Variants in AUTS2 observed in about 807,000 individuals in gnomAD.
AUTS2 encodes the protein autism susceptibility gene 2 protein.
Under a neutral mutation model 112.4 loss-of-function variants are expected in AUTS2, and 17 were observed. The observed-to-expected ratio is 0.15, with a 90% CI of 0.10 to 0.23. AUTS2 has a LOEUF of 0.23. Among genes scored for constraint, AUTS2 ranks in the 10% least tolerant of loss-of-function variants. AUTS2 has a pLI of 1.00. For missense variants in AUTS2, 1,510 were observed against 1,701.6 expected, an observed-to-expected ratio of 0.89 and a Z score of 1.98; for synonymous variants, 751 against 702.7, an observed-to-expected ratio of 1.07 and a Z score of -1.09.
intron 2 of AUTS2, among the ~76,000 whole-genome samples, chr7:69,951,359 A>C (rs777940648): frequency 6.6e-6 from 1 of 151,832 alleles, no homozygotes; most frequent in Non-Finnish European, 1.5e-5. Flanking sequence ...GAAGAATTCT[A>C]GTTTCTCAGT....
At chr7:70,337,399 A>G (rs1029398577) in intron 4 of AUTS2, among the ~76,000 whole-genome samples, 1 of 152,220 alleles carries the variant, frequency 6.6e-6, no homozygotes, top group Non-Finnish European at 1.5e-5. Flanking sequence ...AATTTCTAAT[A>G]GGCTATTGAC....
At chr7:69,918,094 G>A (rs2129542529) in intron 2 of AUTS2, among the ~76,000 whole-genome samples, 1 of 152,196 alleles carries the variant, frequency 6.6e-6, no homozygotes, top group Non-Finnish European at 1.5e-5. Context: ...ACCTGCCTCG[G>A]CCTCCCAAAG....
intron 1 of AUTS2, among the ~76,000 whole-genome samples, chr7:69,722,847 C>CT (rs202247654): frequency 3.4e-4 from 49 of 144,762 alleles, no homozygotes; most frequent in East Asian, 1.0e-3. Context: ...TCTGGAATTG[C>CT]TTTTTTTTTT....
intron 2 of AUTS2, among the ~76,000 whole-genome samples, chr7:70,041,759 G>A (rs1445108209): frequency 6.6e-6 from 1 of 152,086 alleles, no homozygotes; most frequent in Non-Finnish European, 1.5e-5. Context: ...AAATAGCTTG[G>A]GGAATGGATA....
At chr7:70,243,968 A>G (rs1812767603) in intron 4 of AUTS2, among the ~76,000 whole-genome samples, 1 of 151,928 alleles carries the variant, frequency 6.6e-6, no homozygotes, top group African/African-American at 2.4e-5. Context: ...ATTACAGTAT[A>G]GTAATACTAT....
At chr7:69,823,451 A>AGCAGTG (rs1227303578) in intron 1 of AUTS2, among the ~76,000 whole-genome samples, 2 of 152,224 alleles carry the variant, frequency 1.3e-5, no homozygotes, top group Non-Finnish European at 2.9e-5. Flanking sequence ...TATGTTGAGC[A>AGCAGTG]GCAGTGATGA....
At chr7:70,300,525 C>T (rs906304539) in intron 4 of AUTS2, among the ~76,000 whole-genome samples, 2 of 152,118 alleles carry the variant, frequency 1.3e-5, no homozygotes, top group Non-Finnish European at 2.9e-5. Flanking sequence ...AGGAATGTCA[C>T]CAGTGATTTT....
intron 2 of AUTS2, among the ~76,000 whole-genome samples, chr7:70,028,088 G>T (rs1484706351): frequency 6.8e-6 from 1 of 146,970 alleles, no homozygotes; most frequent in East Asian, 2.0e-4. Flanking sequence ...CATCTTGCTT[G>T]CACACACGTG....
At chr7:70,543,830 G>T (rs539210241) in intron 5 of AUTS2, among the ~76,000 whole-genome samples, 1 of 152,306 alleles carries the variant, frequency 6.6e-6, no homozygotes, top group African/African-American at 2.4e-5. Context: ...TAGGCCAGTG[G>T]CAAAGACTAT....
intron 4 of AUTS2, among the ~76,000 whole-genome samples, chr7:70,400,357 C>T (rs137925497): frequency 4.6e-5 from 7 of 152,286 alleles, no homozygotes; most frequent in African/African-American, 1.4e-4. Flanking sequence ...AAGATGTTTA[C>T]ACTATCTAGA....
chr7:69,826,546 G>A (rs993355761), intron 1 of AUTS2, among the ~76,000 whole-genome samples: 2 of 152,122 alleles, frequency 1.3e-5, no homozygotes, highest in South Asian at 2.1e-4. Context: ...GTGTGTGTGC[G>A]TGTGCAACTA....
chr7:69,855,732 A>C (rs930035033), intron 1 of AUTS2, among the ~76,000 whole-genome samples: 6 of 152,174 alleles, frequency 3.9e-5, no homozygotes, highest in African/African-American at 1.4e-4. Context: ...ACTTATAATG[A>C]ATGCCTTCAG....
chr7:70,275,253 G>A (rs1448706724), intron 4 of AUTS2, among the ~76,000 whole-genome samples: 1 of 152,090 alleles, frequency 6.6e-6, no homozygotes, highest in African/African-American at 2.4e-5. Flanking sequence ...TCTGCAATAC[G>A]AATGAATCAA....
At chr7:70,351,725 G>A (rs980333731) in intron 4 of AUTS2, among the ~76,000 whole-genome samples, 7 of 150,802 alleles carry the variant, frequency 4.6e-5, no homozygotes, top group Non-Finnish European at 8.8e-5. Context: ...TTTTTGATAC[G>A]AAGTCTTGCT....
Position 69,899,333 on chromosome 7 carries a change from G to T in AUTS2, c.357G>T (p.Thr119=). Residue 119 remains threonine (T), a synonymous_variant, in exon 2 of 19, where the codon ACG becomes ACT. Transcript: ENST00000342771. The part of the protein sequence containing the change: ...KPQERVEKRQ[T]PLTKKKREAL... ...AGGAACGTGTGGAGAAACGCCAGAC[G>T]CCCCTGACCAAGAAGAAACGAGAAG... 1 of 1,613,940 alleles carries T rather than the reference G, an allele frequency of 6.2e-7. No homozygotes were observed. The highest frequency in any genetic ancestry group is 1.7e-5 in the Admixed American group (1 of 59,988).
At chr7:70,127,392 C>A (rs1450311637) in intron 3 of AUTS2, among the ~76,000 whole-genome samples, 1 of 152,204 alleles carries the variant, frequency 6.6e-6, no homozygotes, top group Non-Finnish European at 1.5e-5. Flanking sequence ...CCTCAGCCCC[C>A]TCCCAAAGCC....
intron 2 of AUTS2, among the ~76,000 whole-genome samples, chr7:70,050,305 C>G (rs980144249): frequency 8.0e-6 from 1 of 125,072 alleles, no homozygotes; most frequent in Non-Finnish European, 1.6e-5. Context: ...TGCAGTGAGC[C>G]GAGATCGAGC....
intron 4 of AUTS2, among the ~76,000 whole-genome samples, chr7:70,324,222 AGTG>A (rs1416785386): frequency 6.6e-6 from 1 of 152,230 alleles, no homozygotes; most frequent in East Asian, 1.9e-4. Context: ...AATGGAATCA[AGTG>A]GTAGAAACAG....
At chr7:70,686,129 C>T (rs1808464875) in intron 5 of AUTS2, among the ~76,000 whole-genome samples, 1 of 152,196 alleles carries the variant, frequency 6.6e-6, no homozygotes, top group Admixed American at 6.5e-5. Flanking sequence ...TATGTCCTGT[C>T]CCCTTAGGGG....
Sources: allele counts gnomAD v4.1 joint callset (sites outside exome capture counted in the v4.1 genomes callset), GRCh38; gene constraint gnomAD v4.1.1; transcripts MANE v1.5; gene names NCBI Gene and HGNC (gene_info 2026-07-23, HGNC 2026-07-21).